COQ8B: variants seen among roughly 807,000 people sequenced by gnomAD.
COQ8B encodes atypical kinase COQ8B, mitochondrial.
A neutral mutation model predicts 62.0 loss-of-function variants in COQ8B; 44 were observed. The observed-to-expected ratio is 0.71, with a 90% CI of 0.56 to 0.91. The LOEUF (loss-of-function observed/expected upper bound fraction) is 0.91, where lower values mean the gene tolerates loss of function less well. COQ8B is among the 40% of genes least tolerant of loss of function. The probability of loss-of-function intolerance (pLI) is 0.00; values close to 1 mark genes in which losing one functional copy is unlikely to be tolerated. For missense variants in COQ8B, 649 were observed against 731.6 expected (o/e 0.89, Z 1.30); for synonymous variants, 252 against 289.9 (o/e 0.87, Z 1.33).
chr19:40,696,385 G>A (rs766079356), intron 12 of COQ8B, among the ~76,000 whole-genome samples: 11 of 151,140 alleles, frequency 7.3e-5, no homozygotes, highest in Non-Finnish European at 1.6e-4. Flanking sequence ...CTCCCCATCC[G>A]GCCACACGTG....
intron 6 of COQ8B, 71 bp from the exon 7 acceptor site, chr19:40,705,252 G>T: frequency 6.3e-7 from 1 of 1,591,434 alleles, no homozygotes; most frequent in Non-Finnish European, 8.6e-7. Flanking sequence ...AGTATCTGAA[G>T]TTGGGGCCTG....
intron 9 of COQ8B, among the ~76,000 whole-genome samples, chr19:40,702,952 C>G (rs2082072418): frequency 6.6e-6 from 1 of 152,160 alleles, no homozygotes; most frequent in African/African-American, 2.4e-5. Flanking sequence ...TATCATCTGT[C>G]TACACATTTC....
chr19:40,705,199 C>G lies in COQ8B; in HGVS notation c.491-18G>C, dbSNP rs372213778. 2.9e-5 allele frequency: 46 copies of G among 1,612,110 alleles called. No homozygotes were observed. The highest frequency in any genetic ancestry group is 3.7e-5 in the Non-Finnish European group (44 of 1,178,982). On this transcript the variant is annotated intron_variant, in intron 6 of 14. Coordinates refer to ENST00000324464, the MANE Select transcript of COQ8B (RefSeq NM_024876.4). Reference sequence around the variant, plus strand: ...GCTGTTGTCTTGGGAGACAGTGGAACCAGGGGGGAAGTAAGCGAAGAGGTG... The same window carrying G: ...GCTGTTGTCTTGGGAGACAGTGGAAGCAGGGGGGAAGTAAGCGAAGAGGTG...
intron 14 of COQ8B, among the ~76,000 whole-genome samples, 161 bp from the exon 15 acceptor site, chr19:40,692,534 T>A (rs1030715736): frequency 3.3e-5 from 5 of 151,852 alleles, no homozygotes; most frequent in Admixed American, 2.6e-4. Context: ...TTCCAGAGCC[T>A]GGACTAGACA....
chr19:40,702,325 GTAAT>G lies in COQ8B; in HGVS notation c.893+271_893+274del, dbSNP rs10541806. 0.53 allele frequency among the ~76,000 whole-genome samples: 80,749 copies of G among 151,504 alleles called. 21,955 individuals are homozygous for G. Among genetic ancestry groups the G allele is most frequent in the African/African-American group, 0.63 (25,758 of 41,194 alleles). On this transcript the variant is annotated intron_variant, in intron 10 of 14. Coordinates refer to ENST00000324464, the MANE Select transcript of COQ8B (RefSeq NM_024876.4). ...AGCAGAGGTAAGAGTGTGTCATTGT[GTAAT>G]TAATTAAGTGCCTGTGTCGGACCAC...
chr19:40,694,174 C>G (rs552479882), intron 13 of COQ8B, among the ~76,000 whole-genome samples: 58 of 152,250 alleles, frequency 3.8e-4, no homozygotes, highest in Non-Finnish European at 1.2e-4. Context: ...GAGGTGGCCC[C>G]ACCAGTCCCC....
intron 13 of COQ8B, 35 bp from the exon 14 acceptor site, chr19:40,693,072 C>T: frequency 6.3e-7 from 1 of 1,593,292 alleles, no homozygotes; most frequent in Non-Finnish European, 8.6e-7. Context: ...GGGACAAAGG[C>T]CGGGGCTCAA....
intron 10 of COQ8B, 127 bp from the exon 11 acceptor site, chr19:40,700,578 T>A (rs1568439069): frequency 3.3e-6 from 4 of 1,200,840 alleles, no homozygotes; most frequent in Non-Finnish European, 4.6e-6. Context: ...CTCCTGCCCA[T>A]CTCTTGCTGC....
intron 5 of COQ8B, among the ~76,000 whole-genome samples, chr19:40,707,094 C>G (rs1336856949): frequency 4.6e-5 from 7 of 151,878 alleles, no homozygotes; most frequent in Admixed American, 2.0e-4. Flanking sequence ...TATGGTAAAA[C>G]CCTGTTTCTA....
intron 5 of COQ8B, among the ~76,000 whole-genome samples, chr19:40,709,531 T>A (rs1568442515): frequency 6.6e-6 from 1 of 152,204 alleles, no homozygotes; most frequent in Non-Finnish European, 1.5e-5. Flanking sequence ...GAACTCCCAA[T>A]GGCTTAAATG....
intron 13 of COQ8B, 79 bp from the exon 14 acceptor site, chr19:40,693,116 G>C: frequency 7.9e-7 from 1 of 1,261,666 alleles, no homozygotes; most frequent in East Asian, 2.3e-5. Context: ...GGAAGCCTGG[G>C]CCTCCCATGT....
At position 40,697,822 on chromosome 19, in the gene COQ8B, TTATATA is replaced by T. The variant is rs66501221; in HGVS notation, c.1144-1774_1144-1769del. Among the ~76,000 whole-genome samples the T allele has an allele frequency of 1.6e-3, 127 of 79,106 alleles. 3 individuals are homozygous for T. Among genetic ancestry groups the T allele is most frequent in the Middle Eastern group, 0.015 (2 of 132 alleles). 51.9% of individuals were successfully genotyped at this position (79,106 alleles called of 152,430 possible). A position where few individuals can be genotyped will look rare whatever the true frequency, so the allele number is the denominator to read the frequency against. On this transcript the variant is annotated intron_variant, in intron 12 of 14. Coordinates refer to ENST00000324464, the MANE Select transcript of COQ8B (RefSeq NM_024876.4). ...TCTCTAAACAAACAAATAAATAAAA[TTATATA>T]TATATATATATATATATATATATAG...
In COQ8B at chr19:40,714,639, G is replaced by C. The variant is rs1266378528; in HGVS notation, c.-3-4C>G. 1.9e-6 allele frequency: 3 copies of C among 1,587,242 alleles called. No homozygotes were observed. The highest frequency in any genetic ancestry group is 4.5e-5 in the East Asian group (2 of 44,758). ...CCCCCACCTTCAGCCACATTGCCTG[G>C]AGGAGAAGAGGAGGGATTATTCAGG... On this transcript the variant is annotated splice_polypyrimidine_tract_variant and splice_region_variant and intron_variant, in intron 1 of 14. Coordinates refer to ENST00000324464, the MANE Select transcript of COQ8B (RefSeq NM_024876.4).
chr19:40,705,287 G>A, intron 6 of COQ8B, 38 bp downstream of exon 6: 1 of 1,584,328 alleles, frequency 6.3e-7, no homozygotes, highest in Non-Finnish European at 8.6e-7. Flanking sequence ...TGGGGTAGAA[G>A]GGAGGTCAGG....
At chr19:40,714,212 C>A in intron 3 of COQ8B, 66 bp downstream of exon 3, 4 of 1,606,122 alleles carry the variant, frequency 2.5e-6, no homozygotes, top group South Asian at 2.2e-5. Context: ...CCACCACACC[C>A]TTCCCCAAGC....
chr19:40,707,239 A>G (rs1460022334), intron 5 of COQ8B, among the ~76,000 whole-genome samples: 1 of 151,852 alleles, frequency 6.6e-6, no homozygotes, highest in Non-Finnish European at 1.5e-5. Context: ...ACCGCACTCC[A>G]GCCTGGGTGA....
chr19:40,714,224 CA>C, intron 3 of COQ8B, 53 bp downstream of exon 3: 1 of 1,605,072 alleles, frequency 6.2e-7, no homozygotes, highest in Admixed American at 1.7e-5. Context: ...TCCCCAAGCT[CA>C]GGGGGCCAGC....
chr19:40,712,429 A>C (rs35034989), intron 4 of COQ8B, among the ~76,000 whole-genome samples: 1 of 150,078 alleles, frequency 6.7e-6, no homozygotes, highest in African/African-American at 2.5e-5. Flanking sequence ...AAAAAAAAAA[A>C]CAACAAAAAA....
intron 1 of COQ8B, chr19:40,714,910 T>G: frequency 1.6e-6 from 2 of 1,214,978 alleles, no homozygotes; most frequent in Non-Finnish European, 1.0e-6. Context: ...CCTCAGGGGC[T>G]ACCTCTCCAC....
Sources: gnomAD v4.1 joint callset for allele counts (sites outside exome capture counted in the v4.1 genomes callset) on GRCh38, gnomAD v4.1.1 for gene constraint, MANE v1.5 for transcripts, NCBI Gene and HGNC (gene_info 2026-07-23, HGNC 2026-07-21) for gene names.